Variants in MYBPC2 observed in about 807,000 individuals in gnomAD.
MYBPC2 encodes the protein myosin binding protein C2, also known as myosin-binding protein C, fast-type.
Under a neutral mutation model 137.0 loss-of-function variants are expected in MYBPC2, and 122 were observed. That is an observed-to-expected ratio of 0.89 (90% CI 0.77 to 1.03). The LOEUF is 1.03. Among genes scored for constraint, MYBPC2 ranks in the 50% least tolerant of loss-of-function variants. MYBPC2 has a pLI of 0.00. For synonymous variants in MYBPC2, 626 were observed against 612.3 expected, an observed-to-expected ratio of 1.02 and a Z score of -0.33; for missense variants, 1,500 against 1,534.4, an observed-to-expected ratio of 0.98 and a Z score of 0.37.
chr19:50,461,588 T>TG lies in MYBPC2; in HGVS notation c.2979dup (p.Ser994ValfsTer8). 6.2e-7 allele frequency: 1 copy of TG among 1,613,752 alleles called. No individual in the cohort carries two copies. Among genetic ancestry groups the TG allele is most frequent in the Non-Finnish European group, 8.5e-7 (1 of 1,179,862 alleles). ...CGTAACAGGCACACTAGCTGTACTG[T>TG]GTCCGACCTTATCGTGGGCAATGAA... On this transcript the variant is annotated frameshift_variant, in exon 25 of 28. Coordinates refer to ENST00000357701, the MANE Select transcript of MYBPC2 (RefSeq NM_004533.4). LOFTEE classifies it high-confidence loss of function.
chr19:50,459,014 G>T lies in MYBPC2; in HGVS notation c.2595+8G>T. 6.2e-7 allele frequency: 1 copy of T among 1,606,456 alleles called. No individual in the cohort carries two copies. Among genetic ancestry groups the T allele is most frequent in the Non-Finnish European group, 8.5e-7 (1 of 1,177,070 alleles). On this transcript the variant is annotated splice_region_variant and intron_variant, in intron 22 of 27. Transcript: ENST00000357701. Reference sequence around the variant, plus strand: ...CTTGTCGTCCCCTTCCAGGTCAGGGGAGCGGGGTCACGGGCCGGGGGTCCG... The same window carrying T: ...CTTGTCGTCCCCTTCCAGGTCAGGGTAGCGGGGTCACGGGCCGGGGGTCCG...
intron 8 of MYBPC2, among the ~76,000 whole-genome samples, chr19:50,441,796 C>T (rs1039441855): frequency 6.6e-6 from 1 of 151,450 alleles, no homozygotes; most frequent in African/African-American, 2.4e-5. Flanking sequence ...GCTGAGATTA[C>T]GCTGTGGCAC....
At chr19:50,459,067 G>A in intron 22 of MYBPC2, 44 bp from the exon 23 acceptor site, 1 of 1,558,344 alleles carries the variant, frequency 6.4e-7, no homozygotes, top group Non-Finnish European at 8.7e-7. Flanking sequence ...CTTTTTGCGG[G>A]TGGAGCCCCG....
At chr19:50,433,038 C>A in intron 1 of MYBPC2, 66 bp downstream of exon 1, 1 of 1,507,226 alleles carries the variant, frequency 6.6e-7, no homozygotes, top group Non-Finnish European at 8.9e-7. Flanking sequence ...GATTTGGGAC[C>A]CCTCTGTTTG....
At chr19:50,443,424 G>C in intron 9 of MYBPC2, 70 bp from the exon 10 acceptor site, 1 of 1,565,574 alleles carries the variant, frequency 6.4e-7, no homozygotes, top group Non-Finnish European at 8.7e-7. Context: ...CTTGAGAACA[G>C]GTAAGCAGAG....
chr19:50,440,323 A>AAAATAAATAAATAAATAAAT (rs58778063), intron 7 of MYBPC2, among the ~76,000 whole-genome samples: 20 of 139,106 alleles, frequency 1.4e-4, no homozygotes, highest in Admixed American at 2.2e-4. Context: ...CTGTGGAAAT[A>AAAATAAATAAATAAATAAAT]AAATAAATAA....
chr19:50,446,581 A>G (rs892940802), intron 12 of MYBPC2, among the ~76,000 whole-genome samples: 1 of 151,504 alleles, frequency 6.6e-6, no homozygotes, highest in African/African-American at 2.4e-5. Context: ...GCACTTTGAG[A>G]GACCAAGGTG....
At chr19:50,440,296 A>C (rs2039738786) in intron 7 of MYBPC2, among the ~76,000 whole-genome samples, 1 of 150,882 alleles carries the variant, frequency 6.6e-6, no homozygotes, top group African/African-American at 2.4e-5. Context: ...ACCAAACACC[A>C]CCTGTTTCCC....
intron 11 of MYBPC2, 39 bp downstream of exon 11, chr19:50,443,855 C>T: frequency 6.4e-7 from 1 of 1,572,970 alleles, no homozygotes; most frequent in Non-Finnish European, 8.7e-7. Flanking sequence ...TACAGGTGCA[C>T]ATAGTTTCTT....
intron 24 of MYBPC2, 25 bp downstream of exon 24, chr19:50,460,204 G>C: frequency 6.3e-7 from 1 of 1,587,734 alleles, no homozygotes; most frequent in Non-Finnish European, 8.6e-7. Flanking sequence ...GGGGAGATGG[G>C]GAAGAGCCGG....
Position 50,435,213 on chromosome 19 carries a change from G to T in MYBPC2, c.72G>T (p.Glu24Asp), listed in dbSNP as rs757836876. Residue 24 changes from glutamate (E) to aspartate (D), a missense_variant, in exon 2 of 28, where the codon GAG becomes GAT. Transcript: ENST00000357701. The surrounding 1 kb of genome is among the most constrained non-coding windows in gnomAD (Gnocchi z 4.8). The stretch of plus-strand genomic sequence containing the variant: ...ATGCCCCCAAAGGAGCCCCCAAGGA[G>T]GCTCCCCCTAAGGAGGCTCCTGCAG... ...GKDAPKGAPK[E>D]APPKEAPAEA... 2.2e-6 allele frequency: 3 copies of T among 1,356,214 alleles called. No individual in the cohort carries two copies. The highest frequency in any genetic ancestry group is 1.4e-5 in the African/African-American group (1 of 70,110). 84.0% of individuals were successfully genotyped at this position (1,356,214 alleles called of 1,614,324 possible).
intron 12 of MYBPC2, among the ~76,000 whole-genome samples, chr19:50,446,330 G>A (rs1291901750): frequency 6.6e-6 from 1 of 151,978 alleles, no homozygotes; most frequent in African/African-American, 2.4e-5. Context: ...GGCCAACATG[G>A]TGAAACCCCA....
intron 16 of MYBPC2, 122 bp downstream of exon 16, chr19:50,452,125 T>C: frequency 1.8e-6 from 2 of 1,136,230 alleles, no homozygotes; most frequent in Non-Finnish European, 2.5e-6. Context: ...CAGGGTTGTT[T>C]TGAAGATTAG....
Position 50,442,257 on chromosome 19 carries a change from C to T in MYBPC2, c.846C>T (p.Asp282=). The change falls in exon 9 of 28, where the codon GAC becomes GAT. Residue 282 remains aspartate (D), a synonymous_variant. Transcript: ENST00000357701. ...TCAAGTTGATGGTAGAGATCAGCGA[C>T]CCAGACCTGACCCTCAAGTGGTTCA... ...NKIKLMVEIS[D]PDLTLKWFKN... 6.2e-7 allele frequency: 1 copy of T among 1,606,454 alleles called. No individual in the cohort carries two copies. Among genetic ancestry groups the T allele is most frequent in the South Asian group, 1.1e-5 (1 of 89,250 alleles).
intron 26 of MYBPC2, among the ~76,000 whole-genome samples, chr19:50,462,687 C>T (rs1192606839): frequency 6.6e-6 from 1 of 152,154 alleles, no homozygotes; most frequent in Admixed American, 6.6e-5. Flanking sequence ...AGCGATTCTC[C>T]TGTCTCAGCC....
intron 8 of MYBPC2, 34 bp from the exon 9 acceptor site, chr19:50,442,147 C>T (rs559466699): frequency 1.9e-5 from 30 of 1,563,178 alleles, no homozygotes; most frequent in South Asian, 5.9e-5. Flanking sequence ...GAGGACCACA[C>T]GCCTCCATCC....
chr19:50,463,523 CCAT>C (rs1347454886), intron 26 of MYBPC2, among the ~76,000 whole-genome samples: 1 of 152,204 alleles, frequency 6.6e-6, no homozygotes, highest in Non-Finnish European at 1.5e-5. Flanking sequence ...TTTATTCACT[CCAT>C]TTATTCTTAC....
chr19:50,437,517 C>G lies in MYBPC2; in HGVS notation c.508C>G (p.Arg170Gly). Residue 170 changes from arginine (R) to glycine (G), a missense_variant, in exon 6 of 28, where the codon CGT becomes GGT. Transcript: ENST00000357701. The stretch of plus-strand genomic sequence containing the variant: ...TGGGCAGAGTCTAGAAAGCTTCAAG[C>G]GTACGTAAGTGACCCCAGGCCCTTA... Reference protein sequence around the residue: ...ASGQSLESFKRTSEKKSDTAG... With the variant: ...ASGQSLESFKGTSEKKSDTAG... 1.2e-6 allele frequency: 2 copies of G among 1,610,412 alleles called. No individual in the cohort carries two copies. The highest frequency in any genetic ancestry group is 1.7e-6 in the Non-Finnish European group (2 of 1,178,396).
intron 1 of MYBPC2, among the ~76,000 whole-genome samples, chr19:50,434,905 T>A (rs967020336): frequency 1.3e-5 from 2 of 152,022 alleles, no homozygotes; most frequent in Admixed American, 6.5e-5. Context: ...CAGGGCCTGC[T>A]GGGGGTAAGG....
Sources: allele counts gnomAD v4.1 joint callset (sites outside exome capture counted in the v4.1 genomes callset), GRCh38; gene constraint gnomAD v4.1.1; non-coding constraint Gnocchi (gnomAD v3.1); transcripts MANE v1.5; gene names NCBI Gene and HGNC (gene_info 2026-07-23, HGNC 2026-07-21).